The following PTDSS2 variants were observed in gnomAD, a reference collection of about 807,000 sequenced individuals.
The protein encoded by PTDSS2 is phosphatidylserine synthase 2, also known as PSS-2.
PTDSS2 carries 41 observed loss-of-function variants against 64.7 expected under a neutral mutation model. The observed-to-expected ratio is 0.63, with a 90% CI of 0.49 to 0.82. The LOEUF (loss-of-function observed/expected upper bound fraction) is 0.82. PTDSS2 is among the 40% of genes least tolerant of loss of function. PTDSS2 has a pLI of 0.00. For synonymous variants in PTDSS2, 297 were observed against 277.8 expected, an observed-to-expected ratio of 1.07 and a Z score of -0.69; for missense variants, 485 against 650.0, an observed-to-expected ratio of 0.75 and a Z score of 2.76.
intron 4 of PTDSS2, among the ~76,000 whole-genome samples, chr11:482,645 AG>A (rs973838337): frequency 2.0e-5 from 3 of 152,230 alleles, no homozygotes; most frequent in African/African-American, 7.2e-5. Flanking sequence ...TCCTGATCTT[AG>A]GGGAAAAGCA....
intron 2 of PTDSS2, among the ~76,000 whole-genome samples, chr11:466,440 C>G (rs886840839): frequency 2.1e-5 from 3 of 139,978 alleles, no homozygotes; most frequent in African/African-American, 8.0e-5. Context: ...GAGTATTGCT[C>G]TGTTGCCCAG....
Position 460,570 on chromosome 11 carries a change from G to T in PTDSS2, c.284+282G>T. 2.5e-6 allele frequency: 1 copy of T among 394,756 alleles called. No individual in the cohort carries two copies. The highest frequency in any genetic ancestry group is 3.0e-5 in the South Asian group (1 of 32,854). 24.5% of individuals were successfully genotyped at this position (394,756 alleles called of 1,614,324 possible). ...CTGTGCTGCGTTTCCTCTGAGTTTTGCATGTTGAGGTTGGAACGAGCTGCA... is the reference window on the plus strand; with the variant it reads ...CTGTGCTGCGTTTCCTCTGAGTTTTTCATGTTGAGGTTGGAACGAGCTGCA... On this transcript the variant is annotated intron_variant, in intron 2 of 11. Coordinates refer to ENST00000308020, the MANE Select transcript of PTDSS2 (RefSeq NM_030783.3). The surrounding 1 kb of genome is among the most constrained non-coding windows in gnomAD (Gnocchi z 5.8).
intron 1 of PTDSS2, chr11:458,525 T>A (rs1351662311): frequency 6.7e-6 from 1 of 149,278 alleles, no homozygotes; most frequent in Non-Finnish European, 1.5e-5. Flanking sequence ...TTTTTTTTTT[T>A]TTTTTGAGAC....
upstream of PTDSS2, chr11:448,272 T>C (rs1335214497): frequency 6.6e-6 from 1 of 152,068 alleles, no homozygotes; most frequent in Admixed American, 6.5e-5. Context: ...CGCAGCTTCC[T>C]TGGGGCCAGG....
Position 461,013 on chromosome 11 carries a change from C to T in PTDSS2, c.284+725C>T, listed in dbSNP as rs374067530. On this transcript the variant is annotated intron_variant, in intron 2 of 11. Transcript: ENST00000308020. This position sits in a 1 kb window ranked among gnomAD's most constrained non-coding sequence, Gnocchi z 4.2. ...CATCAGGGCCTGGCCCCACTTGCTC[C>T]GGCGGGATGGTGGGAGGAAGCCGGA... 255 of 152,396 alleles carry T rather than the reference C, an allele frequency of 1.7e-3. 1 individual carries two copies. The highest frequency in any genetic ancestry group is 6.8e-3 in the Middle Eastern group (2 of 294). 9.4% of individuals were successfully genotyped at this position (152,396 alleles called of 1,614,324 possible).
rs1268149363 is a variant in PTDSS2, at chr11:489,731, C to T, written c.1113C>T (p.Asp371=). Residue 371 remains aspartate, a splice_region_variant and synonymous_variant, in exon 10 of 12, where the codon GAC becomes GAT. Transcript: ENST00000308020. ...AMREIYDFMD[D]PKPHKKLGPQ... is the part of the protein sequence containing the mutation. ...GTGAGATCTACGACTTCATGGATGA[C>T]CCGTGAGGGCTGCGGCAGTCCGGGT... The T allele has an allele frequency of 5.0e-6, 8 of 1,608,460 alleles. No individual in the cohort carries two copies. The highest frequency in any genetic ancestry group is 1.3e-5 in the African/African-American group (1 of 74,864).
chr11:452,565 C>T (rs1384066633), intron 1 of PTDSS2, among the ~76,000 whole-genome samples: 1 of 152,200 alleles, frequency 6.6e-6, no homozygotes, highest in African/African-American at 2.4e-5. Context: ...GAGGGCTCTC[C>T]AGGAGCGGGT....
At chr11:456,170 C>CTTTTTTTTTTTT (rs71022912) in intron 1 of PTDSS2, among the ~76,000 whole-genome samples, 1 of 114,892 alleles carries the variant, frequency 8.7e-6, no homozygotes, top group Non-Finnish European at 1.8e-5. Context: ...TTCTTTCATT[C>CTTTTTTTTTTTT]TTTTTTTTTT....
intron 3 of PTDSS2, among the ~76,000 whole-genome samples, chr11:477,716 G>A (rs866941136): frequency 2.8e-4 from 43 of 152,232 alleles, no homozygotes; most frequent in Admixed American, 1.6e-3. Flanking sequence ...CTCAGAGAGC[G>A]CCTGCAGGCC....
intron 2 of PTDSS2, chr11:464,020 C>G (rs1382345347): frequency 6.6e-6 from 1 of 151,364 alleles, no homozygotes; most frequent in Non-Finnish European, 1.5e-5. Context: ...GGGTCGTGCT[C>G]TGTTGCCCAG....
At chr11:458,671 A>G (rs1846717005) in intron 1 of PTDSS2, 1 of 151,956 alleles carries the variant, frequency 6.6e-6, no homozygotes, top group Admixed American at 6.6e-5. Context: ...ACGCCTGGCT[A>G]ATTTTTTATA....
intron 2 of PTDSS2, among the ~76,000 whole-genome samples, chr11:465,629 C>G (rs1036928891): frequency 1.3e-5 from 2 of 152,068 alleles, no homozygotes; most frequent in African/African-American, 4.8e-5. Context: ...GACTTCATTA[C>G]AATTAAAATT....
intron 1 of PTDSS2, among the ~76,000 whole-genome samples, chr11:457,347 A>G (rs1266340305): frequency 6.6e-6 from 1 of 152,240 alleles, no homozygotes; most frequent in Non-Finnish European, 1.5e-5. Flanking sequence ...TCGTGGATGC[A>G]AACTCATTTC....
At position 472,910 on chromosome 11, in the gene PTDSS2, C is replaced by T. The variant is rs371648171; in HGVS notation, c.285-985C>T. Among the ~76,000 whole-genome samples the T allele has an allele frequency of 4.6e-5, 7 of 152,332 alleles. No homozygotes were observed. The South Asian group carries it at 1.2e-3, about 27-fold the overall frequency. ...ACACGCCAAGGTGTGACTGTCGGCA[C>T]GGCACTGCCGAGCCGTGGGAGGGAC... On this transcript the variant is annotated intron_variant, in intron 2 of 11. Transcript: ENST00000308020.
At position 454,440 on chromosome 11, in the gene PTDSS2, G is replaced by A. The variant is rs117885131; in HGVS notation, c.182+3803G>A. Among the ~76,000 whole-genome samples, 20 of 152,294 alleles carry A rather than the reference G, an allele frequency of 1.3e-4. No homozygotes were observed. In the South Asian group the frequency reaches 1.9e-3, roughly 14 times the overall value. ...GGGTTAGGGTTGATCAATGATCAGC[G>A]TTTCCCTGGGCTACACAAGGAGTGA... On this transcript the variant is annotated intron_variant, in intron 1 of 11. Transcript: ENST00000308020.
Position 489,929 on chromosome 11 carries a change from A to G in PTDSS2, c.1162A>G (p.Ile388Val), listed in dbSNP as rs761884381. 4 of 1,606,022 alleles carry G rather than the reference A, an allele frequency of 2.5e-6. No homozygotes were observed. Among genetic ancestry groups the G allele is most frequent in the African/African-American group, 2.7e-5 (2 of 74,890 alleles). ...LGPQAWLVAA[I>V]TATELLIVVK... is the part of the protein sequence containing the mutation. The stretch of plus-strand genomic sequence containing the variant: ...CCCGCAGGCCTGGCTGGTGGCGGCC[A>G]TCACGGCCACGGAGCTGCTCATCGT... Residue 388 changes from isoleucine to valine, a missense_variant, in exon 11 of 12, where the codon ATC becomes GTC. Around this residue, in one of 3 missense-constraint regions of PTDSS2, gnomAD observed 219 missense variants for 257.3 expected, o/e 0.85. Coordinates refer to ENST00000308020, the MANE Select transcript of PTDSS2 (RefSeq NM_030783.3).
intron 1 of PTDSS2, among the ~76,000 whole-genome samples, chr11:451,680 A>C (rs1846336544): frequency 6.6e-6 from 1 of 152,148 alleles, no homozygotes; most frequent in Non-Finnish European, 1.5e-5. Flanking sequence ...GGAGGGCCTG[A>C]TGGAGGAGTA....
chr11:453,859 C>T (rs1423806863), intron 1 of PTDSS2, among the ~76,000 whole-genome samples: 1 of 152,220 alleles, frequency 6.6e-6, no homozygotes, highest in Non-Finnish European at 1.5e-5. Context: ...TTTTCCACTC[C>T]CCATGGCAGG....
chr11:460,267 A>G lies in PTDSS2; in HGVS notation c.263A>G (p.Asp88Gly). ...YVTLLEETPQ[D>G]TAYNTKRGIV... ...ACGCTGCTGGAGGAAACACCTCAGG[A>G]CACGGCCTACAACACCAAGAGGTAA... Residue 88 changes from aspartate (D) to glycine (G), a missense_variant, in exon 2 of 12, where the codon GAC becomes GGC. By Grantham distance (94) the Asp-to-Gly change is moderately conservative. Coordinates refer to ENST00000308020, the MANE Select transcript of PTDSS2 (RefSeq NM_030783.3). This position sits in a 1 kb window ranked among gnomAD's most constrained non-coding sequence, Gnocchi z 5.8. The G allele has an allele frequency of 6.2e-7, 1 of 1,614,068 alleles. No individual in the cohort carries two copies. Among genetic ancestry groups the G allele is most frequent in the Non-Finnish European group, 8.5e-7 (1 of 1,179,934 alleles).
Sources: allele counts gnomAD v4.1 joint callset (sites outside exome capture counted in the v4.1 genomes callset), GRCh38; gene constraint gnomAD v4.1.1; regional missense constraint gnomAD v4.1.1; non-coding constraint Gnocchi (gnomAD v3.1); transcripts MANE v1.5; gene names NCBI Gene and HGNC (gene_info 2026-07-23, HGNC 2026-07-21).